LATS2: variants seen among roughly 807,000 people sequenced by gnomAD.
The protein encoded by LATS2 is large tumor suppressor kinase 2.
LATS2 carries 24 observed loss-of-function variants against 76.0 expected under a neutral mutation model. The ratio of observed to expected loss-of-function variants is 0.32; its 90% CI spans 0.23 to 0.44. The LOEUF is 0.44. Ranked by LOEUF, LATS2 falls within the 20% of genes least tolerant of loss-of-function variation. The pLI, the probability that LATS2 is intolerant of heterozygous loss-of-function variation, is 1.00. For missense variants in LATS2, 1,286 were observed against 1,481.2 expected (o/e 0.87, Z 2.16); for synonymous variants, 692 against 635.4 (o/e 1.09, Z -1.34).
rs533102000 is a variant in LATS2, at chr13:20,987,219, AAAAAT to A, written c.1899+657_1899+661del. On this transcript the variant is annotated intron_variant, in intron 4 of 7. Transcript: ENST00000382592. The stretch of plus-strand genomic sequence containing the variant: ...AAAAATAAATTAAAAAATAAAAAAT[AAAAAT>A]AAAAAAAACACAAATGAAAAGTATA... Among the ~76,000 whole-genome samples, 18 of 34,010 alleles carry A rather than the reference AAAAAT, an allele frequency of 5.3e-4. No individual in the cohort carries two copies. The East Asian group carries it at 0.021, about 40-fold the overall frequency. The allele number at this position is 34,010 out of a possible 152,430, so 22.3% of individuals were successfully genotyped here. A position where few individuals can be genotyped will look rare whatever the true frequency, so the allele number is the denominator to read the frequency against.
At chr13:21,032,791 G>A (rs952646464) in intron 2 of LATS2, among the ~76,000 whole-genome samples, 1 of 152,182 alleles carries the variant, frequency 6.6e-6, no homozygotes, top group African/African-American at 2.4e-5. Context: ...AATGGCCGTA[G>A]AAGGCCACAA....
intron 2 of LATS2, among the ~76,000 whole-genome samples, chr13:21,010,236 G>A (rs1158995345): frequency 1.1e-5 from 1 of 88,812 alleles, no homozygotes; most frequent in African/African-American, 3.4e-5. Context: ...AACCCACAAA[G>A]GAATAACACA....
At chr13:21,037,042 A>G (rs550678697) in intron 2 of LATS2, among the ~76,000 whole-genome samples, 2 of 152,364 alleles carry the variant, frequency 1.3e-5, no homozygotes, top group African/African-American at 4.8e-5. Flanking sequence ...AAGAATGTTC[A>G]TGACCAGCTC....
intron 2 of LATS2, among the ~76,000 whole-genome samples, chr13:21,033,616 T>A (rs944963898): frequency 2.0e-5 from 3 of 150,708 alleles, no homozygotes; most frequent in African/African-American, 7.4e-5. Context: ...AAGGCTCTTG[T>A]AAGCGTCTCC....
intron 2 of LATS2, among the ~76,000 whole-genome samples, chr13:21,034,962 G>C (rs1436294841): frequency 6.6e-6 from 1 of 152,300 alleles, no homozygotes; most frequent in Non-Finnish European, 1.5e-5. Flanking sequence ...TGAGCACAGT[G>C]GTTCATGCCT....
intron 2 of LATS2, among the ~76,000 whole-genome samples, chr13:21,042,213 G>C (rs1475413725): frequency 2.6e-5 from 4 of 151,902 alleles, no homozygotes; most frequent in African/African-American, 9.7e-5. Flanking sequence ...CATATCATTT[G>C]ACATACACAT....
chr13:20,976,052 A>C (rs975306846), intron 7 of LATS2, among the ~76,000 whole-genome samples: 2 of 152,252 alleles, frequency 1.3e-5, no homozygotes, highest in African/African-American at 4.8e-5. Flanking sequence ...AAAACTTCAT[A>C]GGGAAGAATA....
chr13:20,988,683 G>A lies in LATS2; in HGVS notation c.1097C>T (p.Ser366Phe), dbSNP rs1318715498. The stretch of plus-strand genomic sequence containing the variant: ...GGTGGCAGCCGGCCACTGCTGGACG[G>A]AGGTGCTGCCCAATTCATACAGGTC... ...NVDLYELGST[S>F]VQQWPAATLA... The change falls in exon 4 of 8, where the codon TCC (serine) becomes TTC (phenylalanine). Residue 366 changes from serine to phenylalanine, a missense_variant. By Grantham distance (155) the Ser-to-Phe change is radical (BLOSUM62 -2). Around this residue, in one of 5 missense-constraint regions of LATS2, gnomAD observed 710 missense variants for 660.9 expected, o/e 1.07. Coordinates refer to ENST00000382592, the MANE Select transcript of LATS2 (RefSeq NM_014572.3). 1.9e-6 allele frequency: 3 copies of A among 1,573,838 alleles called. No individual in the cohort carries two copies. Among genetic ancestry groups the A allele is most frequent in the African/African-American group, 2.7e-5 (2 of 73,816 alleles).
chr13:20,996,461 T>G (rs1275656625), intron 2 of LATS2, among the ~76,000 whole-genome samples: 2 of 151,720 alleles, frequency 1.3e-5, no homozygotes, highest in African/African-American at 4.8e-5. Context: ...TCACTGAAAT[T>G]TCATCTCCCA....
At chr13:21,053,206 G>T (rs1390017975) in intron 1 of LATS2, among the ~76,000 whole-genome samples, 1 of 132,828 alleles carries the variant, frequency 7.5e-6, no homozygotes, top group Non-Finnish European at 1.5e-5. Context: ...CTGCACTCCA[G>T]CTTGGCAACA....
At chr13:20,995,795 A>G (rs1031736289) in intron 2 of LATS2, among the ~76,000 whole-genome samples, 4 of 152,200 alleles carry the variant, frequency 2.6e-5, no homozygotes, top group Non-Finnish European at 5.9e-5. Flanking sequence ...ATTCTTCAGG[A>G]CAGCCTCTTC....
chr13:21,028,054 A>T (rs1008086465), intron 2 of LATS2, among the ~76,000 whole-genome samples: 1 of 152,146 alleles, frequency 6.6e-6, no homozygotes, highest in East Asian at 1.9e-4. Context: ...AGCATTAGGT[A>T]TATCTCCTAA....
chr13:20,988,603 G>A lies in LATS2; in HGVS notation c.1177C>T (p.His393Tyr). 1 of 1,588,958 alleles carries A rather than the reference G, an allele frequency of 6.3e-7. No individual in the cohort carries two copies. Among genetic ancestry groups the A allele is most frequent in the Non-Finnish European group, 8.5e-7 (1 of 1,175,648 alleles). Residue 393 changes from histidine (H) to tyrosine (Y), a missense_variant, in exon 4 of 8, where the codon CAC becomes TAC. Coordinates refer to ENST00000382592, the MANE Select transcript of LATS2 (RefSeq NM_014572.3). ...KPGLEAPPRA[H>Y]VAFRPDCPVP... is the part of the protein sequence containing the mutation. Reference sequence around the variant, plus strand: ...GGGCAGTCAGGCCGGAAGGCCACGTGCGCGCGCGGCGGCGCCTCCAGGCCC... The same window carrying A: ...GGGCAGTCAGGCCGGAAGGCCACGTACGCGCGCGGCGGCGCCTCCAGGCCC...
rs143698126 is a variant in LATS2 at position 20,994,393 on chromosome 13, C to T, written c.343-2989G>A. ...CATATACATAGAGCTATGTTTTAAA[C>T]ACTGAAGGAAATGGGAATCCACTTC... On this transcript the variant is annotated intron_variant, in intron 2 of 7. Coordinates refer to ENST00000382592, the MANE Select transcript of LATS2 (RefSeq NM_014572.3). Among the ~76,000 whole-genome samples the T allele has an allele frequency of 1.5e-4, 23 of 152,312 alleles. No individual in the cohort carries two copies. In the East Asian group the frequency reaches 4.4e-3, roughly 29 times the overall value.
intron 2 of LATS2, among the ~76,000 whole-genome samples, chr13:21,044,689 GGTGTGTGTGTGTGTGTGTGTGTGTGTGT>G (rs71090554): frequency 6.5e-5 from 9 of 137,784 alleles, no homozygotes; most frequent in Admixed American, 2.2e-4. Context: ...GAGGTGTAGG[GGTGTGTGTGTGTGTGTGTGTGTGTGTGT>G]GTGTGTGTGT....
At position 20,974,338 on chromosome 13, in the gene LATS2, C is replaced by G. The variant is rs1439166853; in HGVS notation, c.*532G>C. 4.4e-6 allele frequency: 1 copy of G among 225,374 alleles called. No homozygotes were observed. The highest frequency in any genetic ancestry group is 2.2e-5 in the African/African-American group (1 of 44,570). The allele number at this position is 225,374 out of a possible 1,614,324, so 14.0% of individuals were successfully genotyped here. On this transcript the variant is annotated 3_prime_UTR_variant, in exon 8 of 8. Coordinates refer to ENST00000382592, the MANE Select transcript of LATS2 (RefSeq NM_014572.3). ...AGCTTTTAACATTATATCATTATAT[C>G]ACAATTTTGAAACATGGGAAAAAAT...
chr13:21,000,596 GTATAA>G (rs960994019), intron 2 of LATS2, among the ~76,000 whole-genome samples: 1 of 152,040 alleles, frequency 6.6e-6, no homozygotes, highest in African/African-American at 2.4e-5. Flanking sequence ...TCAGATTTAG[GTATAA>G]TATATCAGCC....
Position 20,975,255 on chromosome 13 carries a change from C to T in LATS2, c.2882G>A (p.Arg961Gln), listed in dbSNP as rs148935054. 1.4e-5 allele frequency: 22 copies of T among 1,614,056 alleles called. No homozygotes were observed. The highest frequency in any genetic ancestry group is 4.5e-5 in the East Asian group (2 of 44,894). ...LCCSADHRLG[R>Q]NGADDLKAHP... ...GGCCTTCAGGTCATCGGCCCCATTC[C>T]GCCCCAGGCGGTGGTCTGCGGAGCA... is the stretch of plus-strand genomic sequence containing the variant. Residue 961 changes from arginine (R) to glutamine (Q), a missense_variant, in exon 8 of 8, where the codon CGG becomes CAG. Arg to Gln is a conservative substitution (Grantham distance 43, BLOSUM62 1). Coordinates refer to ENST00000382592, the MANE Select transcript of LATS2 (RefSeq NM_014572.3).
chr13:21,019,831 G>A (rs1871978866), intron 2 of LATS2, among the ~76,000 whole-genome samples: 1 of 151,462 alleles, frequency 6.6e-6, no homozygotes, highest in South Asian at 2.1e-4. Flanking sequence ...AAAATTAGCT[G>A]GGGGTGGTGG....
Sources: allele counts gnomAD v4.1 joint callset (sites outside exome capture counted in the v4.1 genomes callset), GRCh38; gene constraint gnomAD v4.1.1; regional missense constraint gnomAD v4.1.1; transcripts MANE v1.5; gene names NCBI Gene and HGNC (gene_info 2026-07-23, HGNC 2026-07-21).